Variants in DTD1 observed in about 807,000 individuals in gnomAD.
DTD1 encodes the protein D-aminoacyl-tRNA deacylase 1, also known as D-tyrosyl-tRNA deacylase 1 homolog.
In DTD1, 13 loss-of-function variants were observed where a neutral mutation model predicts 25.6. The observed-to-expected ratio is 0.51, with a 90% CI of 0.33 to 0.81. The LOEUF is 0.81. Ranked by LOEUF, DTD1 falls within the 30% of genes least tolerant of loss-of-function variation. The probability of loss-of-function intolerance (pLI) is 0.02; values close to 1 mark genes in which losing one functional copy is unlikely to be tolerated. For synonymous variants in DTD1, 110 were observed against 103.6 expected (o/e 1.06, Z -0.37); for missense variants, 193 against 266.4 (o/e 0.72, Z 1.92).
At chr20:18,746,485 C>A (rs1263855632) in intron 5 of DTD1, among the ~76,000 whole-genome samples, 9 of 151,784 alleles carry the variant, frequency 5.9e-5, no homozygotes, top group Non-Finnish European at 1.3e-4. Flanking sequence ...ATCACTCGAA[C>A]CCAAGAGTTT....
chr20:18,766,049 A>C lies in DTD1; in HGVS notation c.*2709A>C, dbSNP rs967101960. The stretch of plus-strand genomic sequence containing the variant: ...GGCTACACAAAACATAGACCAAATA[A>C]AGGCATCTTTGGGGGCTGGATGTCC... On this transcript the variant is annotated 3_prime_UTR_variant, in exon 6 of 6. Transcript: ENST00000377452. 1.2e-4 allele frequency: 19 copies of C among 152,214 alleles called. No individual in the cohort carries two copies. Among genetic ancestry groups the C allele is most frequent in the Non-Finnish European group, 2.6e-4 (18 of 68,050 alleles). 9.4% of individuals were successfully genotyped at this position (152,214 alleles called of 1,614,324 possible).
At chr20:18,708,268 TATATATATAATATATATTATATATATATA>T (rs2061140241) in intron 4 of DTD1, among the ~76,000 whole-genome samples, 1 of 29,888 alleles carries the variant, frequency 3.3e-5, no homozygotes, top group African/African-American at 1.1e-4. Flanking sequence ...ATATATTTTA[TATATATATAATATATATTATATATATATA>T]ATATATATAT....
intron 3 of DTD1, among the ~76,000 whole-genome samples, chr20:18,626,921 T>G (rs1600328479): frequency 6.6e-6 from 1 of 152,240 alleles, no homozygotes; most frequent in South Asian, 2.1e-4. Flanking sequence ...GACTGAAATT[T>G]TCTACTAATT....
chr20:18,680,531 T>G (rs895978539), intron 4 of DTD1, among the ~76,000 whole-genome samples: 1 of 151,456 alleles, frequency 6.6e-6, no homozygotes, highest in Non-Finnish European at 1.5e-5. Flanking sequence ...TGTGAGCCAC[T>G]GTGCCTGGAT....
Position 18,609,977 on chromosome 20 carries a change from A to G in DTD1, c.370+13736A>G, listed in dbSNP as rs1037045264. ...TGAGTAATTATTTTTCTTTTCTGAG[A>G]CAAAGATTAGATGCTGCCAGCATTG... On this transcript the variant is annotated intron_variant, in intron 3 of 5. Coordinates refer to ENST00000377452, the MANE Select transcript of DTD1 (RefSeq NM_080820.6). Among the ~76,000 whole-genome samples, 9 of 152,220 alleles carry G rather than the reference A, an allele frequency of 5.9e-5. No homozygotes were observed. The South Asian group carries it at 6.2e-4, about 10-fold the overall frequency.
At chr20:18,632,111 T>G in intron 4 of DTD1, 1 of 954,744 alleles carries the variant, frequency 1.0e-6, no homozygotes, top group Non-Finnish European at 1.2e-6. Context: ...CACTTCACTA[T>G]GTGTATGTAG....
intron 5 of DTD1, among the ~76,000 whole-genome samples, chr20:18,758,441 G>A (rs2061347992): frequency 1.3e-5 from 2 of 152,096 alleles, no homozygotes; most frequent in South Asian, 4.2e-4. Flanking sequence ...ACACTGCTTT[G>A]AATGTGTCCC....
chr20:18,659,533 G>A (rs2060901719), intron 4 of DTD1, among the ~76,000 whole-genome samples: 1 of 152,112 alleles, frequency 6.6e-6, no homozygotes, highest in Non-Finnish European at 1.5e-5. Context: ...TTTAAATGTT[G>A]TCTTTTATAG....
At chr20:18,595,580 T>C (rs1313427393) in intron 2 of DTD1, among the ~76,000 whole-genome samples, 4 of 152,222 alleles carry the variant, frequency 2.6e-5, no homozygotes, top group African/African-American at 9.7e-5. Flanking sequence ...GAATTGTTCA[T>C]TTTGAGTAGC....
chr20:18,639,583 G>A (rs1347439106), intron 4 of DTD1, among the ~76,000 whole-genome samples: 2 of 152,230 alleles, frequency 1.3e-5, no homozygotes, highest in East Asian at 3.9e-4. Context: ...GCTGCTAGCT[G>A]GTCAAGAGTC....
chr20:18,617,494 G>C (rs186740747), intron 3 of DTD1, among the ~76,000 whole-genome samples: 206 of 151,936 alleles, frequency 1.4e-3, no homozygotes, highest in African/African-American at 4.7e-3. Context: ...GTACCATACT[G>C]TTTTGATTAC....
intron 4 of DTD1, among the ~76,000 whole-genome samples, chr20:18,720,919 A>G (rs76095763): frequency 0.017 from 2,533 of 152,324 alleles, 37 homozygotes; most frequent in Non-Finnish European, 0.025. Flanking sequence ...CTTAAGACAC[A>G]TTAATTTAGA....
intron 4 of DTD1, chr20:18,631,138 C>CT: frequency 1.0e-6 from 1 of 985,516 alleles, no homozygotes; most frequent in Non-Finnish European, 1.2e-6. Context: ...GGCATTGACT[C>CT]TGCTTCTCTA....
At chr20:18,706,866 A>G (rs1435685306) in intron 4 of DTD1, among the ~76,000 whole-genome samples, 1 of 152,214 alleles carries the variant, frequency 6.6e-6, no homozygotes, top group African/African-American at 2.4e-5. Context: ...GTTCTTTTTA[A>G]TCCCGTTAGC....
intron 1 of DTD1, among the ~76,000 whole-genome samples, chr20:18,593,258 A>G (rs776793366): frequency 6.6e-6 from 1 of 152,214 alleles, no homozygotes. Context: ...TAAGTAGGAA[A>G]ATCATTTATG....
At position 18,708,308 on chromosome 20, in the gene DTD1, T is replaced by A. The variant is rs55857314; in HGVS notation, c.478-35792T>A. 1.3e-3 allele frequency among the ~76,000 whole-genome samples: 63 copies of A among 48,856 alleles called. 1 individual carries two copies. The highest frequency in any genetic ancestry group is 2.9e-3 in the African/African-American group (37 of 12,836). The allele number at this position is 48,856 out of a possible 152,430, so 32.1% of individuals were successfully genotyped here. A position where few individuals can be genotyped will look rare whatever the true frequency, so the allele number is the denominator to read the frequency against. On this transcript the variant is annotated intron_variant, in intron 4 of 5. Transcript: ENST00000377452. Reference sequence around the variant, plus strand: ...TATTATATATATATAATATATATATTTTATATATATATTATATATATATAT... The same window carrying A: ...TATTATATATATATAATATATATATATTATATATATATTATATATATATAT...
intron 4 of DTD1, among the ~76,000 whole-genome samples, chr20:18,705,756 G>C (rs1030146468): frequency 2.0e-4 from 30 of 152,260 alleles, no homozygotes; most frequent in Admixed American, 1.2e-3. Context: ...AGATGGGAGA[G>C]AGAAAATGCC....
At chr20:18,588,278 C>T (rs2060574287) in intron 1 of DTD1, among the ~76,000 whole-genome samples, 163 bp downstream of exon 1, 1 of 151,980 alleles carries the variant, frequency 6.6e-6, no homozygotes, top group South Asian at 2.1e-4. Flanking sequence ...GTCCCCAGGG[C>T]CGGCTTCGGG....
chr20:18,676,713 T>C (rs2060976570), intron 4 of DTD1, among the ~76,000 whole-genome samples: 1 of 152,206 alleles, frequency 6.6e-6, no homozygotes, highest in South Asian at 2.1e-4. Flanking sequence ...GTCCTGACTG[T>C]CTTCACCGAC....
Sources: gnomAD v4.1 joint callset for allele counts (sites outside exome capture counted in the v4.1 genomes callset) on GRCh38, gnomAD v4.1.1 for gene constraint, MANE v1.5 for transcripts, NCBI Gene and HGNC (gene_info 2026-07-23, HGNC 2026-07-21) for gene names.